TLCD2: variants seen among roughly 807,000 people sequenced by gnomAD.
TLCD2 encodes TLC domain containing 2.
A neutral mutation model predicts 14.0 loss-of-function variants in TLCD2; 12 were observed. The observed-to-expected ratio is 0.86, with a 90% confidence interval of 0.55 to 1.39. The LOEUF is 1.39. TLCD2 is among the 40% of genes most tolerant of loss of function. The probability of loss-of-function intolerance (pLI) is 0.00; values close to 1 mark genes in which losing one functional copy is unlikely to be tolerated. For synonymous variants in TLCD2, 166 were observed against 156.5 expected, an observed-to-expected ratio of 1.06 and a Z score of -0.45; for missense variants, 360 against 346.8, an observed-to-expected ratio of 1.04 and a Z score of -0.30.
At position 1,704,876 on chromosome 17, in the gene TLCD2, T is replaced by G. The variant is rs997769235; in HGVS notation, c.*2894A>C. On this transcript the variant is annotated 3_prime_UTR_variant, in exon 4 of 4. Coordinates refer to ENST00000330676, the MANE Select transcript of TLCD2 (RefSeq NM_001164407.2). ...GCCTGCCACCACGCCCGGCCAATTT[T>G]TTGTATTTTTAGTAGAGATGGTGTT... 1 of 151,536 alleles carries G rather than the reference T, an allele frequency of 6.6e-6. No homozygotes were observed. The highest frequency in any genetic ancestry group is 1.5e-5 in the Non-Finnish European group (1 of 67,956). 9.4% of individuals were successfully genotyped at this position (151,536 alleles called of 1,614,324 possible).
chr17:1,707,168 T>TAAA lies in TLCD2; in HGVS notation c.*599_*601dup, dbSNP rs930071404. On this transcript the variant is annotated 3_prime_UTR_variant, in exon 4 of 4. Coordinates refer to ENST00000330676, the MANE Select transcript of TLCD2 (RefSeq NM_001164407.2). ...GGTGACAGAGTAAGATTCCGTCTCA[T>TAAA]AAAAAAAAAGAAAAAGAAAAAGAAA... 2 of 149,016 alleles carry TAAA rather than the reference T, an allele frequency of 1.3e-5. No homozygotes were observed. The highest frequency in any genetic ancestry group is 4.9e-5 in the African/African-American group (2 of 40,500). The allele number at this position is 149,016 out of a possible 1,614,324, so 9.2% of individuals were successfully genotyped here. A position where few individuals can be genotyped will look rare whatever the true frequency, so the allele number is the denominator to read the frequency against.
rs1351245287 is a variant in TLCD2 at position 1,707,504 on chromosome 17, C to T, written c.*266G>A. The T allele has an allele frequency of 2.2e-6, 1 of 460,124 alleles. No individual in the cohort carries two copies. The highest frequency in any genetic ancestry group is 3.8e-6 in the Non-Finnish European group (1 of 261,292). 28.5% of individuals were successfully genotyped at this position (460,124 alleles called of 1,614,324 possible). Reference sequence around the variant, plus strand: ...CTCCTGCCACCCTTTACTGATAGCTCTAGCTGTACCTCTTGAGTTTATTTG... The same window carrying T: ...CTCCTGCCACCCTTTACTGATAGCTTTAGCTGTACCTCTTGAGTTTATTTG... On this transcript the variant is annotated 3_prime_UTR_variant, in exon 4 of 4. Coordinates refer to ENST00000330676, the MANE Select transcript of TLCD2 (RefSeq NM_001164407.2).
At position 1,703,664 on chromosome 17, in the gene TLCD2, C is replaced by A. The variant is rs1168588835; in HGVS notation, c.*4106G>T. ...GGGATTACAGGCGTGAGCCACCACG[C>A]CCGGCCTCATAGACACTATCAAGTA... On this transcript the variant is annotated 3_prime_UTR_variant, in exon 4 of 4. Transcript: ENST00000330676. The A allele has an allele frequency of 6.6e-6, 1 of 152,190 alleles. No individual in the cohort carries two copies. The highest frequency in any genetic ancestry group is 1.5e-5 in the Non-Finnish European group (1 of 68,056). 9.4% of individuals were successfully genotyped at this position (152,190 alleles called of 1,614,324 possible). A position where few individuals can be genotyped will look rare whatever the true frequency, so the allele number is the denominator to read the frequency against.
intron 2 of TLCD2, 48 bp downstream of exon 2, chr17:1,709,755 GC>G (rs1442249182): frequency 2.3e-6 from 3 of 1,322,870 alleles, no homozygotes; most frequent in South Asian, 1.3e-5. Context: ...AGCAGAACCT[GC>G]CCCCCGCCCC....
In TLCD2 at chr17:1,710,069, G is replaced by C; in HGVS notation, c.174C>G (p.Leu58=). ...GCCTCGAGCCCCCAAGCCCGCACCC[G>C]AGCAGCGCCCCGGTCCCCGAGAGCA... ...HSLLSGTGAL[L]GLSLYPQMAA... Residue 58 remains leucine, a splice_region_variant and synonymous_variant, in exon 1 of 4, where the codon CTC becomes CTG. Transcript: ENST00000330676. This position sits in a 1 kb window ranked among gnomAD's most constrained non-coding sequence, Gnocchi z 6.1. 1 of 1,532,808 alleles carries C rather than the reference G, an allele frequency of 6.5e-7. No homozygotes were observed. Among genetic ancestry groups the C allele is most frequent in the Non-Finnish European group, 8.7e-7 (1 of 1,146,174 alleles). The allele number at this position is 1,532,808 out of a possible 1,614,324, so 95.0% of individuals were successfully genotyped here. A position where few individuals can be genotyped will look rare whatever the true frequency, so the allele number is the denominator to read the frequency against.
In TLCD2 at chr17:1,710,022, A is replaced by T. The variant is rs1242228475; in HGVS notation, c.176+45T>A. 10 of 1,521,476 alleles carry T rather than the reference A, an allele frequency of 6.6e-6. No individual in the cohort carries two copies. The African/African-American group carries it at 1.3e-4, about 19-fold the overall frequency. 94.2% of individuals were successfully genotyped at this position (1,521,476 alleles called of 1,614,324 possible). A position where few individuals can be genotyped will look rare whatever the true frequency, so the allele number is the denominator to read the frequency against. On this transcript the variant is annotated intron_variant, in intron 1 of 3. Coordinates refer to ENST00000330676, the MANE Select transcript of TLCD2 (RefSeq NM_001164407.2). This position sits in a 1 kb window ranked among gnomAD's most constrained non-coding sequence, Gnocchi z 6.1. ...GCGGGTCTCCCGGCCTCAGCCTCCC[A>T]CCCCTCGCCCTCGCCCCGTGCGCCT...
intron 3 of TLCD2, among the ~76,000 whole-genome samples, chr17:1,708,966 TGCCCTG>T (rs1914131088): frequency 6.6e-6 from 1 of 152,166 alleles, no homozygotes; most frequent in Non-Finnish European, 1.5e-5. Context: ...GCATGGTAGG[TGCCCTG>T]GCCTGGTGGG....
chr17:1,708,346 A>T, intron 3 of TLCD2, 124 bp from the exon 4 acceptor site: 3 of 731,398 alleles, frequency 4.1e-6, no homozygotes, highest in Non-Finnish European at 6.6e-6. Flanking sequence ...CCTGACCTTT[A>T]TGCTTTTACC....
At position 1,708,278 on chromosome 17, in the gene TLCD2, C is replaced by T. The variant is rs774017724; in HGVS notation, c.343-56G>A. ...CCCATGACCTGCCAGCCATCATGTC[C>T]CAATAACCCAGGCCTGAAGAAAGAG... On this transcript the variant is annotated intron_variant, in intron 3 of 3. Coordinates refer to ENST00000330676, the MANE Select transcript of TLCD2 (RefSeq NM_001164407.2). The T allele has an allele frequency of 9.5e-6, 13 of 1,361,652 alleles. No individual in the cohort carries two copies. In the African/African-American group the frequency reaches 1.0e-4, roughly 11 times the overall value. 84.3% of individuals were successfully genotyped at this position (1,361,652 alleles called of 1,614,324 possible). A position where few individuals can be genotyped will look rare whatever the true frequency, so the allele number is the denominator to read the frequency against.
chr17:1,710,210 G>A lies in TLCD2; in HGVS notation c.33C>T (p.Ala11=). The A allele has an allele frequency of 6.6e-7, 1 of 1,526,474 alleles. No homozygotes were observed. The highest frequency in any genetic ancestry group is 8.7e-7 in the Non-Finnish European group (1 of 1,143,606). 94.6% of individuals were successfully genotyped at this position (1,526,474 alleles called of 1,614,324 possible). A position where few individuals can be genotyped will look rare whatever the true frequency, so the allele number is the denominator to read the frequency against. Residue 11 remains alanine, a synonymous_variant, in exon 1 of 4, where the codon GCC becomes GCT. Coordinates refer to ENST00000330676, the MANE Select transcript of TLCD2 (RefSeq NM_001164407.2). This position sits in a 1 kb window ranked among gnomAD's most constrained non-coding sequence, Gnocchi z 6.1. MAPTGLLVAG[A]SFLAFRGLHW... Reference sequence around the variant, plus strand: ...GCAGCCCCCGGAACGCGAGGAAGGAGGCGCCGGCCACCAGGAGCCCCGTGG... The same window carrying A: ...GCAGCCCCCGGAACGCGAGGAAGGAAGCGCCGGCCACCAGGAGCCCCGTGG...
In TLCD2 at chr17:1,705,949, A is replaced by G. The variant is rs1023014930; in HGVS notation, c.*1821T>C. On this transcript the variant is annotated 3_prime_UTR_variant, in exon 4 of 4. Coordinates refer to ENST00000330676, the MANE Select transcript of TLCD2 (RefSeq NM_001164407.2). ...GGGAGGAAGAAGACTTTATGAATGT[A>G]TCTCAGAAAAGTCCCAGCTCTTCCT... The G allele has an allele frequency of 2.6e-5, 4 of 151,508 alleles. No homozygotes were observed. Among genetic ancestry groups the G allele is most frequent in the Admixed American group, 2.0e-4 (3 of 15,204 alleles). 9.4% of individuals were successfully genotyped at this position (151,508 alleles called of 1,614,324 possible).
intron 1 of TLCD2, 22 bp from the exon 2 acceptor site, chr17:1,709,908 A>AT: frequency 1.1e-6 from 1 of 907,662 alleles, no homozygotes; most frequent in Admixed American, 2.4e-5. Flanking sequence ...GGGTGGGGAC[A>AT]TGGGGGGGGG....
In TLCD2 at chr17:1,710,359, C is replaced by CCG; in HGVS notation, c.-119_-118dup. 1 of 883,286 alleles carries CCG rather than the reference C, an allele frequency of 1.1e-6. No homozygotes were observed. The highest frequency in any genetic ancestry group is 1.6e-6 in the Non-Finnish European group (1 of 620,352). The allele number at this position is 883,286 out of a possible 1,614,324, so 54.7% of individuals were successfully genotyped here. On this transcript the variant is annotated 5_prime_UTR_variant, in exon 1 of 4. Transcript: ENST00000330676. The surrounding 1 kb of genome is among the most constrained non-coding windows in gnomAD (Gnocchi z 6.1). The stretch of plus-strand genomic sequence containing the variant: ...GCTGGGGCCCCGGCTCCCCTCCCCG[C>CCG]CGCGCCTTTGGGATCAGCAGGAACT...
At position 1,706,624 on chromosome 17, in the gene TLCD2, T is replaced by TG. The variant is rs967738493; in HGVS notation, c.*1145dup. The TG allele has an allele frequency of 5.8e-4, 87 of 149,128 alleles. No individual in the cohort carries two copies. The highest frequency in any genetic ancestry group is 2.0e-3 in the African/African-American group (81 of 40,488). The allele number at this position is 149,128 out of a possible 1,614,324, so 9.2% of individuals were successfully genotyped here. ...CTACAAAAAAATACAAAAATTAGCC[T>TG]GGTGCAGTGGCGTGCACCTGTAGTC... On this transcript the variant is annotated 3_prime_UTR_variant, in exon 4 of 4. Transcript: ENST00000330676.
intron 3 of TLCD2, among the ~76,000 whole-genome samples, chr17:1,708,762 C>T (rs1305370316): frequency 6.6e-6 from 1 of 152,198 alleles, no homozygotes; most frequent in Non-Finnish European, 1.5e-5. Context: ...GGATTATAGG[C>T]ATAAGCCACC....
Position 1,707,913 on chromosome 17 carries a change from C to T in TLCD2, c.652G>A (p.Gly218Arg). The change falls in exon 4 of 4, where the codon GGG (glycine) becomes AGG (arginine). Residue 218 changes from glycine to arginine, a missense_variant. Gly to Arg is a moderately radical substitution (Grantham distance 125). Coordinates refer to ENST00000330676, the MANE Select transcript of TLCD2 (RefSeq NM_001164407.2). Reference protein sequence around the residue: ...VTVGIMSIILGIRILVNDVLQ... With the variant: ...VTVGIMSIILRIRILVNDVLQ... Reference sequence around the variant, plus strand: ...ACATCATTGACCAGAATACGGATCCCCAATATGATGCTCATGATGCCCACA... The same window carrying T: ...ACATCATTGACCAGAATACGGATCCTCAATATGATGCTCATGATGCCCACA... 1 of 1,537,308 alleles carries T rather than the reference C, an allele frequency of 6.5e-7. No individual in the cohort carries two copies. Among genetic ancestry groups the T allele is most frequent in the Non-Finnish European group, 8.7e-7 (1 of 1,146,916 alleles).
At chr17:1,709,238 AAAT>A (rs1490964143) in intron 3 of TLCD2, among the ~76,000 whole-genome samples, 1 of 151,864 alleles carries the variant, frequency 6.6e-6, no homozygotes, top group African/African-American at 2.4e-5. Flanking sequence ...AAAATACAAA[AAAT>A]TACTTGGGCG....
chr17:1,706,621 GC>G lies in TLCD2; in HGVS notation c.*1148del, dbSNP rs1914041760. The G allele has an allele frequency of 6.6e-6, 1 of 151,200 alleles. No homozygotes were observed. 9.4% of individuals were successfully genotyped at this position (151,200 alleles called of 1,614,324 possible). On this transcript the variant is annotated 3_prime_UTR_variant, in exon 4 of 4. Coordinates refer to ENST00000330676, the MANE Select transcript of TLCD2 (RefSeq NM_001164407.2). ...TCTCTACAAAAAAATACAAAAATTA[GC>G]CTGGTGCAGTGGCGTGCACCTGTAG...
chr17:1,709,903 G>C lies in TLCD2; in HGVS notation c.177-17C>G. ...AGTGACAGGCTGGGGGCATGGGGTG[G>C]GGACATGGGGGGGGGCATGGTCAGC... is the stretch of plus-strand genomic sequence containing the variant. On this transcript the variant is annotated splice_polypyrimidine_tract_variant and intron_variant, in intron 1 of 3. Transcript: ENST00000330676. 1.3e-6 allele frequency: 2 copies of C among 1,504,602 alleles called. No homozygotes were observed. Among genetic ancestry groups the C allele is most frequent in the Non-Finnish European group, 1.8e-6 (2 of 1,127,668 alleles). The allele number at this position is 1,504,602 out of a possible 1,614,324, so 93.2% of individuals were successfully genotyped here.
Sources: gnomAD v4.1 joint callset for allele counts (sites outside exome capture counted in the v4.1 genomes callset) on GRCh38, gnomAD v4.1.1 for gene constraint, Gnocchi (gnomAD v3.1) non-coding constraint, MANE v1.5 for transcripts, NCBI Gene and HGNC (gene_info 2026-07-23, HGNC 2026-07-21) for gene names.